LAMA2: variants seen among roughly 807,000 people sequenced by gnomAD.
LAMA2 encodes the protein laminin subunit alpha-2.
LAMA2 carries 269 observed loss-of-function variants against 364.8 expected under a neutral mutation model. That is an observed-to-expected ratio of 0.74 (90% CI 0.67 to 0.82). The LOEUF (loss-of-function observed/expected upper bound fraction) is 0.82. Ranked by LOEUF, LAMA2 falls within the 40% of genes least tolerant of loss-of-function variation. LAMA2 has a pLI of 0.00. For synonymous variants in LAMA2, 1,379 were observed against 1,370.6 expected (o/e 1.01, Z -0.14); for missense variants, 3,807 against 3,873.2 (o/e 0.98, Z 0.45).
At chr6:129,007,027 G>A (rs1351964591) in intron 1 of LAMA2, among the ~76,000 whole-genome samples, 1 of 152,048 alleles carries the variant, frequency 6.6e-6, no homozygotes, top group Non-Finnish European at 1.5e-5. Flanking sequence ...TGCTCACAAA[G>A]GTCTTTGTAG....
chr6:129,266,976 A>G (rs1184046184), intron 15 of LAMA2, 130 bp from the exon 16 acceptor site: 7 of 755,734 alleles, frequency 9.3e-6, no homozygotes, highest in Non-Finnish European at 1.7e-5. Context: ...AATAATGGCA[A>G]TGCTTTGACA....
At chr6:129,255,468 G>A (rs1304799756) in intron 14 of LAMA2, among the ~76,000 whole-genome samples, 2 of 141,388 alleles carry the variant, frequency 1.4e-5, no homozygotes, top group Non-Finnish European at 3.0e-5. Flanking sequence ...ACAGAGGTCA[G>A]CTGCCCTAAC....
chr6:129,476,831 C>T (rs1784089016), intron 53 of LAMA2, among the ~76,000 whole-genome samples: 1 of 152,038 alleles, frequency 6.6e-6, no homozygotes, highest in African/African-American at 2.4e-5. Context: ...GAAAAGAAAA[C>T]CTTGGGAACA....
intron 1 of LAMA2, among the ~76,000 whole-genome samples, chr6:128,931,036 A>G (rs1041472392): frequency 5.3e-5 from 8 of 151,802 alleles, no homozygotes; most frequent in African/African-American, 7.3e-5. Flanking sequence ...GATCTCTGCA[A>G]AAAAAAAGGG....
chr6:129,158,404 C>A (rs1779253080), intron 8 of LAMA2: 2 of 1,613,864 alleles, frequency 1.2e-6, no homozygotes, highest in Non-Finnish European at 1.7e-6. Context: ...CCTTTACCAA[C>A]TTGCCGGACC....
intron 7 of LAMA2, among the ~76,000 whole-genome samples, chr6:129,151,790 A>C (rs916412652): frequency 2.0e-5 from 3 of 152,158 alleles, no homozygotes; most frequent in African/African-American, 4.8e-5. Context: ...CCCTTGATCC[A>C]GTCTCCTCCC....
chr6:128,896,011 A>T (rs1350870719), intron 1 of LAMA2, among the ~76,000 whole-genome samples: 1 of 152,122 alleles, frequency 6.6e-6, no homozygotes, highest in East Asian at 1.9e-4. Flanking sequence ...AGACTCAAGG[A>T]TCTATCCTTT....
At chr6:129,135,108 A>T (rs1272752489) in intron 4 of LAMA2, among the ~76,000 whole-genome samples, 1 of 152,234 alleles carries the variant, frequency 6.6e-6, no homozygotes, top group Non-Finnish European at 1.5e-5. Flanking sequence ...AATTCATCCA[A>T]CACAAATTCA....
rs367658196 is a variant in LAMA2, at chr6:129,300,744, T to C, written c.3046T>C (p.Cys1016Arg). ...FQEGGCTACE[C>R]SHLGNNCDPK... The stretch of plus-strand genomic sequence containing the variant: ...CTCTTATACCGGTGAAGCTTGTGAA[T>C]GTTCTCATCTGGGTAATAATTGTGA... The change falls in exon 22 of 65, where the codon TGT becomes CGT. Residue 1016 changes from cysteine (C) to arginine (R), a missense_variant. Cys to Arg is a radical substitution (Grantham distance 180). Coordinates refer to ENST00000421865, the MANE Select transcript of LAMA2 (RefSeq NM_000426.4). The C allele has an allele frequency of 1.1e-5, 17 of 1,613,686 alleles. No homozygotes were observed. The highest frequency in any genetic ancestry group is 1.4e-5 in the Non-Finnish European group (17 of 1,179,710).
chr6:129,034,603 T>A (rs1317318468), intron 1 of LAMA2, among the ~76,000 whole-genome samples: 2 of 152,124 alleles, frequency 1.3e-5, no homozygotes, highest in Non-Finnish European at 2.9e-5. Flanking sequence ...CAGTCAGTAA[T>A]TTTTCAGTCC....
intron 34 of LAMA2, among the ~76,000 whole-genome samples, chr6:129,376,788 G>A (rs187192728): frequency 8.5e-5 from 13 of 152,222 alleles, no homozygotes; most frequent in African/African-American, 2.9e-4. Flanking sequence ...TTCCTCCTGT[G>A]CTTATCTTAT....
chr6:129,221,636 C>G (rs1783861072), intron 12 of LAMA2, among the ~76,000 whole-genome samples: 2 of 151,970 alleles, frequency 1.3e-5, no homozygotes, highest in Non-Finnish European at 2.9e-5. Flanking sequence ...TTTGAATCAA[C>G]CAGATTTCTT....
intron 43 of LAMA2, chr6:129,442,102 T>TG (rs1035228771): frequency 7.1e-5 from 49 of 689,382 alleles, no homozygotes; most frequent in South Asian, 3.0e-4. Flanking sequence ...CCAACATTTT[T>TG]GGGGGGGTAT....
intron 4 of LAMA2, among the ~76,000 whole-genome samples, chr6:129,112,410 A>G (rs1776211382): frequency 6.6e-6 from 1 of 152,010 alleles, no homozygotes; most frequent in African/African-American, 2.4e-5. Flanking sequence ...AGACCAGCTC[A>G]CACATTAATC....
intron 4 of LAMA2, among the ~76,000 whole-genome samples, chr6:129,116,722 A>G (rs1246560462): frequency 6.6e-6 from 1 of 152,116 alleles, no homozygotes; most frequent in Non-Finnish European, 1.5e-5. Context: ...TGAAAACAGT[A>G]ATTTTCAATA....
chr6:128,943,154 TTG>T (rs201580703), intron 1 of LAMA2, among the ~76,000 whole-genome samples: 1 of 152,138 alleles, frequency 6.6e-6, no homozygotes, highest in Admixed American at 6.6e-5. Flanking sequence ...CTTTGTGGTC[TTG>T]TGTGTGTGTG....
chr6:129,457,945 C>T (rs1404580318), intron 48 of LAMA2, among the ~76,000 whole-genome samples: 1 of 152,078 alleles, frequency 6.6e-6, no homozygotes, highest in Non-Finnish European at 1.5e-5. Context: ...CTGCCCCTCA[C>T]CATCTAAAAC....
chr6:129,430,838 G>C (rs1781554031), intron 41 of LAMA2, among the ~76,000 whole-genome samples: 2 of 151,858 alleles, frequency 1.3e-5, no homozygotes, highest in South Asian at 4.2e-4. Flanking sequence ...GTGAGAGCCT[G>C]TCTCAAATAA....
At chr6:128,981,605 G>A (rs1782884399) in intron 1 of LAMA2, among the ~76,000 whole-genome samples, 1 of 144,076 alleles carries the variant, frequency 6.9e-6, no homozygotes, top group Non-Finnish European at 1.5e-5. Context: ...AAAAAAAATT[G>A]CTGGGCTTGG....
Sources: allele counts gnomAD v4.1 joint callset (sites outside exome capture counted in the v4.1 genomes callset), GRCh38; gene constraint gnomAD v4.1.1; transcripts MANE v1.5; gene names NCBI Gene and HGNC (gene_info 2026-07-23, HGNC 2026-07-21).